The following PLS3 variants were observed in gnomAD, a reference collection of about 807,000 sequenced individuals.
PLS3 encodes plastin 3, also known as plastin-3.
PLS3 carries 11 observed loss-of-function variants against 46.5 expected under a neutral mutation model. The ratio of observed to expected loss-of-function variants is 0.24; its 90% CI spans 0.15 to 0.39. The LOEUF is 0.39. Among genes scored for constraint, PLS3 ranks in the 10% least tolerant of loss-of-function variants. The probability of loss-of-function intolerance (pLI) is 1.00; values close to 1 mark genes in which losing one functional copy is unlikely to be tolerated. For missense variants in PLS3, 308 were observed against 461.8 expected (o/e 0.67, Z 3.05); for synonymous variants, 167 against 162.2 (o/e 1.03, Z -0.22).
intron 1 of PLS3, among the ~76,000 whole-genome samples, chrX:115,595,519 G>C (rs781842710): frequency 9.1e-6 from 1 of 110,116 alleles, no homozygotes; most frequent in Non-Finnish European, 1.9e-5. Flanking sequence ...AGGACAGGAA[G>C]AGAGAATAGA....
At chrX:115,636,815 A>ATTTTTTTTTT in intron 7 of PLS3, 21 bp from the exon 8 acceptor site, 11 of 917,588 alleles carry the variant, frequency 1.2e-5, no homozygotes, top group Admixed American at 3.0e-5. Flanking sequence ...TAACTGTGGG[A>ATTTTTTTTTT]TTTTTTTTTT....
chrX:115,575,422 G>A (rs782500372), intron 1 of PLS3, among the ~76,000 whole-genome samples: 2 of 109,891 alleles, frequency 1.8e-5, no homozygotes, highest in Non-Finnish European at 3.8e-5. Flanking sequence ...AAGCACTACC[G>A]ATTTTTCCAT....
intron 1 of PLS3, among the ~76,000 whole-genome samples, chrX:115,578,081 A>G (rs1339054991): frequency 9.0e-6 from 1 of 111,381 alleles, no homozygotes; most frequent in Non-Finnish European, 1.9e-5. Flanking sequence ...AGTAAGATTA[A>G]TGGTATAGGA....
chrX:115,584,353 C>A (rs1385458990), intron 1 of PLS3, among the ~76,000 whole-genome samples: 1 of 111,653 alleles, frequency 9.0e-6, no homozygotes, highest in Non-Finnish European at 1.9e-5. Flanking sequence ...AAAATCACTG[C>A]CCTCTTAGAG....
intron 1 of PLS3, among the ~76,000 whole-genome samples, chrX:115,595,752 C>G (rs111312788): frequency 0.02 from 1,980 of 96,782 alleles, 62 homozygotes; most frequent in African/African-American, 0.07. Context: ...TGCAGTGGCA[C>G]GATCTTGGCT....
rs781852176 is a variant in PLS3, at chrX:115,570,294, A to G, written c.-9+9034A>G. Among the ~76,000 whole-genome samples the G allele has an allele frequency of 2.2e-3, 245 of 110,149 alleles. 1 individual carries two copies. The highest frequency in any genetic ancestry group is 7.9e-3 in the African/African-American group (239 of 30,362). Reference sequence around the variant, plus strand: ...GAGGTTTCTTAACTCTCTGAACCTCAGTTACCCCATGAATAAAATGAAGAT... The same window carrying G: ...GAGGTTTCTTAACTCTCTGAACCTCGGTTACCCCATGAATAAAATGAAGAT... On this transcript the variant is annotated intron_variant, in intron 1 of 15. Coordinates refer to ENST00000355899, the MANE Select transcript of PLS3 (RefSeq NM_005032.7).
chrX:115,596,211 G>A (rs1556633826), intron 1 of PLS3, among the ~76,000 whole-genome samples: 2 of 111,884 alleles, frequency 1.8e-5, no homozygotes, highest in African/African-American at 6.5e-5. Flanking sequence ...TATTGAACTT[G>A]ACTATTTTGT....
At chrX:115,577,706 G>C (rs1430741136) in intron 1 of PLS3, among the ~76,000 whole-genome samples, 1 of 110,964 alleles carries the variant, frequency 9.0e-6, no homozygotes, top group Non-Finnish European at 1.9e-5. Context: ...TGGAACTCCT[G>C]ACCTAAACTG....
At chrX:115,617,042 A>G (rs2074604483) in intron 2 of PLS3, among the ~76,000 whole-genome samples, 1 of 111,779 alleles carries the variant, frequency 8.9e-6, no homozygotes, top group African/African-American at 3.3e-5. Context: ...AATTTTTACA[A>G]GGATTTTGTA....
chrX:115,642,408 G>A (rs921198912), intron 9 of PLS3, among the ~76,000 whole-genome samples: 1 of 111,421 alleles, frequency 9.0e-6, no homozygotes, highest in Non-Finnish European at 1.9e-5. Context: ...CAGTTCACAA[G>A]CATTTCCCTT....
intron 1 of PLS3, 143 bp from the exon 2 acceptor site, chrX:115,610,100 G>A (rs1427651697): frequency 3.3e-6 from 1 of 300,599 alleles, no homozygotes; most frequent in Admixed American, 6.2e-5. Flanking sequence ...TATTAAAGCT[G>A]TATGTAGAGA....
rs190087398 is a variant in PLS3 at position 115,602,265 on chromosome X, A to G, written c.-8-7978A>G. On this transcript the variant is annotated intron_variant, in intron 1 of 15. Coordinates refer to ENST00000355899, the MANE Select transcript of PLS3 (RefSeq NM_005032.7). ...GGGATTTGGATCCTAATTGTCTCTT[A>G]TCTGGAGCACCCAACACAGTGCCTG... Among the ~76,000 whole-genome samples the G allele has an allele frequency of 8.3e-4, 93 of 112,014 alleles. 2 individuals are homozygous for G. Among genetic ancestry groups the G allele is most frequent in the African/African-American group, 3.0e-3 (92 of 30,885 alleles).
chrX:115,648,269 G>C (rs1180969073), intron 15 of PLS3, among the ~76,000 whole-genome samples: 1 of 111,711 alleles, frequency 9.0e-6, no homozygotes, highest in African/African-American at 3.2e-5. Context: ...TGCTTCAGTG[G>C]ATTACAGAAA....
chrX:115,629,167 T>G lies in PLS3; in HGVS notation c.238-31T>G, dbSNP rs184596656. On this transcript the variant is annotated intron_variant, in intron 3 of 15. Coordinates refer to ENST00000355899, the MANE Select transcript of PLS3 (RefSeq NM_005032.7). ...TTATTGTGCATAGTTTGAAATTAATTGTGAATCAACAAAATTACTTTAATT... is the reference window on the plus strand; with the variant it reads ...TTATTGTGCATAGTTTGAAATTAATGGTGAATCAACAAAATTACTTTAATT... 1.1e-4 allele frequency: 107 copies of G among 1,007,914 alleles called. No homozygotes were observed. In the African/African-American group the frequency reaches 1.7e-3, roughly 16 times the overall value. The allele number at this position is 1,007,914 out of a possible 1,213,427, so 83.1% of individuals were successfully genotyped here.
chrX:115,631,865 G>A (rs190597124), intron 5 of PLS3, among the ~76,000 whole-genome samples: 4 of 111,480 alleles, frequency 3.6e-5, no homozygotes, highest in Admixed American at 9.6e-5. Flanking sequence ...GTGTAGTGGC[G>A]TGACCTCTGC....
intron 5 of PLS3, among the ~76,000 whole-genome samples, chrX:115,632,422 G>A (rs1349232438): frequency 2.7e-5 from 3 of 110,194 alleles, no homozygotes; most frequent in African/African-American, 9.9e-5. Flanking sequence ...CTACGATTTG[G>A]GCCTCTGTAC....
chrX:115,609,939 T>C (rs2074532378), intron 1 of PLS3, among the ~76,000 whole-genome samples: 1 of 112,258 alleles, frequency 8.9e-6, no homozygotes, highest in African/African-American at 3.2e-5. Flanking sequence ...CAAGAATTTC[T>C]ATTATGTAGC....
At chrX:115,589,738 C>T (rs781908331) in intron 1 of PLS3, among the ~76,000 whole-genome samples, 3 of 112,259 alleles carry the variant, frequency 2.7e-5, no homozygotes, top group Admixed American at 9.4e-5. Flanking sequence ...CTATGCCTAG[C>T]TTTTGTGTTA....
At chrX:115,621,438 G>C (rs1271015024) in intron 2 of PLS3, among the ~76,000 whole-genome samples, 2 of 112,348 alleles carry the variant, frequency 1.8e-5, no homozygotes, top group Non-Finnish European at 3.8e-5. Context: ...GAAGATATTT[G>C]AAATTACTTG....
Sources: allele counts gnomAD v4.1 joint callset (sites outside exome capture counted in the v4.1 genomes callset), GRCh38; gene constraint gnomAD v4.1.1; transcripts MANE v1.5; gene names NCBI Gene and HGNC (gene_info 2026-07-23, HGNC 2026-07-21).